The following ZNRF3 variants were observed in gnomAD, a reference collection of about 807,000 sequenced individuals.
The protein encoded by ZNRF3 is zinc and ring finger 3, also known as E3 ubiquitin-protein ligase ZNRF3.
Under a neutral mutation model 72.5 loss-of-function variants are expected in ZNRF3, and 23 were observed. That is an observed-to-expected ratio of 0.32 (90% CI 0.23 to 0.45). ZNRF3 has a LOEUF of 0.45. Ranked by LOEUF, ZNRF3 falls within the 20% of genes least tolerant of loss-of-function variation. The probability of loss-of-function intolerance (pLI) is 1.00; values close to 1 mark genes in which losing one functional copy is unlikely to be tolerated. For synonymous variants in ZNRF3, 610 were observed against 545.3 expected, an observed-to-expected ratio of 1.12 and a Z score of -1.65; for missense variants, 1,169 against 1,272.1, an observed-to-expected ratio of 0.92 and a Z score of 1.23.
At chr22:28,984,056 A>C (rs2035811640) in intron 1 of ZNRF3, among the ~76,000 whole-genome samples, 1 of 151,818 alleles carries the variant, frequency 6.6e-6, no homozygotes, top group Admixed American at 6.6e-5. Context: ...TCCCCGTGTT[A>C]GCTGAGGGCA....
chr22:28,915,395 A>G (rs139136092), intron 1 of ZNRF3, among the ~76,000 whole-genome samples: 1 of 152,294 alleles, frequency 6.6e-6, no homozygotes, highest in East Asian at 1.9e-4. Flanking sequence ...TCACCTCTTT[A>G]TAGACCCTCT....
At chr22:29,031,722 G>A (rs1247534288) in intron 2 of ZNRF3, 11 of 746,154 alleles carry the variant, frequency 1.5e-5, no homozygotes, top group Non-Finnish European at 1.8e-5. Flanking sequence ...GGTAGGACCC[G>A]CCAAGAGGGA....
At chr22:28,984,910 G>T (rs2035827712) in intron 1 of ZNRF3, among the ~76,000 whole-genome samples, 1 of 152,204 alleles carries the variant, frequency 6.6e-6, no homozygotes, top group African/African-American at 2.4e-5. Flanking sequence ...GAGCCTGAAA[G>T]TTTGTGCAAA....
chr22:28,912,572 A>T (rs1016491017), intron 1 of ZNRF3, among the ~76,000 whole-genome samples: 1 of 151,808 alleles, frequency 6.6e-6, no homozygotes, highest in East Asian at 1.9e-4. Context: ...TATTGTCTGG[A>T]TAAGATAGGG....
chr22:29,018,411 G>T (rs190630958), intron 2 of ZNRF3: 220 of 186,992 alleles, frequency 1.2e-3, no homozygotes, highest in Non-Finnish European at 1.7e-3. Flanking sequence ...GTAGGTTTGG[G>T]AGAAACTTGG....
intron 2 of ZNRF3, among the ~76,000 whole-genome samples, chr22:29,020,011 C>A (rs2036501967): frequency 6.6e-6 from 1 of 151,914 alleles, no homozygotes; most frequent in Non-Finnish European, 1.5e-5. Context: ...CAAGACCTCC[C>A]CCCCAATCCC....
chr22:29,044,422 A>G (rs1021429173), intron 4 of ZNRF3, among the ~76,000 whole-genome samples: 2 of 152,276 alleles, frequency 1.3e-5, no homozygotes, highest in Non-Finnish European at 1.5e-5. Context: ...CCCTCAAAAC[A>G]TGACACTCAC....
intron 1 of ZNRF3, among the ~76,000 whole-genome samples, chr22:28,904,818 T>G (rs2123755890): frequency 6.6e-6 from 1 of 152,202 alleles, no homozygotes; most frequent in Non-Finnish European, 1.5e-5. Flanking sequence ...TTAAGGCACT[T>G]CTGTTCATCC....
intron 2 of ZNRF3, among the ~76,000 whole-genome samples, chr22:29,033,560 G>C (rs1252306439): frequency 6.6e-6 from 1 of 152,146 alleles, no homozygotes; most frequent in Non-Finnish European, 1.5e-5. Context: ...GGGCGTGCAA[G>C]GTGGGCTGGG....
chr22:28,962,201 T>G (rs1211386083), intron 1 of ZNRF3, among the ~76,000 whole-genome samples: 1 of 152,228 alleles, frequency 6.6e-6, no homozygotes. Context: ...GGCTTGTAGC[T>G]CCTACATTGC....
At chr22:28,955,109 T>C (rs2035236095) in intron 1 of ZNRF3, among the ~76,000 whole-genome samples, 1 of 149,884 alleles carries the variant, frequency 6.7e-6, no homozygotes, top group Non-Finnish European at 1.5e-5. Flanking sequence ...GGTGCAATCA[T>C]GGCTCACTGC....
intron 2 of ZNRF3, among the ~76,000 whole-genome samples, chr22:29,041,761 C>T (rs2036966448): frequency 6.6e-6 from 1 of 152,158 alleles, no homozygotes; most frequent in Non-Finnish European, 1.5e-5. Flanking sequence ...ACAGCTCCCA[C>T]CACCGACAGT....
intron 1 of ZNRF3, among the ~76,000 whole-genome samples, chr22:28,902,784 C>T (rs1266751199): frequency 1.3e-5 from 2 of 152,186 alleles, no homozygotes; most frequent in African/African-American, 4.8e-5. Context: ...ACATGAGTTA[C>T]TCACAGCATG....
At position 29,053,860 on chromosome 22, in the gene ZNRF3, T is replaced by G. The variant is rs552739514; in HGVS notation, c.*238T>G. 1 of 438,566 alleles carries G rather than the reference T, an allele frequency of 2.3e-6. No individual in the cohort carries two copies. The highest frequency in any genetic ancestry group is 4.0e-6 in the Non-Finnish European group (1 of 247,198). 27.2% of individuals were successfully genotyped at this position (438,566 alleles called of 1,614,324 possible). ...TCCTTTGCCTCTTTTGATAACATGT[T>G]GTTCTGTTTTGTAAAGTGTGTGTGC... is the stretch of plus-strand genomic sequence containing the variant. On this transcript the variant is annotated 3_prime_UTR_variant, in exon 9 of 9. Transcript: ENST00000544604.
intron 1 of ZNRF3, among the ~76,000 whole-genome samples, chr22:28,911,402 T>C (rs557087694): frequency 1.3e-5 from 2 of 152,342 alleles, no homozygotes; most frequent in African/African-American, 4.8e-5. Flanking sequence ...CAGCATGGTA[T>C]GTAATTGCAG....
intron 1 of ZNRF3, among the ~76,000 whole-genome samples, chr22:28,915,437 G>T (rs1232726688): frequency 1.3e-5 from 2 of 152,108 alleles, no homozygotes; most frequent in Non-Finnish European, 2.9e-5. Flanking sequence ...GGTACTGGGG[G>T]TTAGGACCTT....
At chr22:28,966,712 T>C (rs1194561804) in intron 1 of ZNRF3, among the ~76,000 whole-genome samples, 1 of 152,094 alleles carries the variant, frequency 6.6e-6, no homozygotes, top group African/African-American at 2.4e-5. Flanking sequence ...ACAATGTGTT[T>C]CTTATTAGAG....
chr22:29,053,302 G>A (rs1224766892), intron 8 of ZNRF3, among the ~76,000 whole-genome samples: 3 of 152,134 alleles, frequency 2.0e-5, no homozygotes, highest in Admixed American at 1.3e-4. Context: ...AAGGCCTGAC[G>A]CACACCGGGC....
chr22:28,908,166 A>G (rs2034247533), intron 1 of ZNRF3, among the ~76,000 whole-genome samples: 1 of 152,272 alleles, frequency 6.6e-6, no homozygotes, highest in Non-Finnish European at 1.5e-5. Flanking sequence ...AAAACTGAAA[A>G]GATGGTTTGG....
Sources: allele counts gnomAD v4.1 joint callset (sites outside exome capture counted in the v4.1 genomes callset), GRCh38; gene constraint gnomAD v4.1.1; transcripts MANE v1.5; gene names NCBI Gene and HGNC (gene_info 2026-07-23, HGNC 2026-07-21).